The following CNTNAP3B variants were observed in gnomAD, a reference collection of about 807,000 sequenced individuals.
CNTNAP3B encodes the protein contactin-associated protein-like 3B.
A neutral mutation model predicts 108.9 loss-of-function variants in CNTNAP3B; 25 were observed. The observed-to-expected ratio is 0.23, with a 90% CI of 0.17 to 0.32. The LOEUF is 0.32. Ranked by LOEUF, CNTNAP3B falls within the 10% of genes least tolerant of loss-of-function variation. CNTNAP3B has a pLI of 1.00. For synonymous variants in CNTNAP3B, 103 were observed against 473.4 expected, an observed-to-expected ratio of 0.22 and a Z score of 10.16; for missense variants, 252 against 1,210.4, an observed-to-expected ratio of 0.21 and a Z score of 11.75.
chr9:41,951,756 C>T (rs1824691942), intron 13 of CNTNAP3B, among the ~76,000 whole-genome samples: 1 of 152,030 alleles, frequency 6.6e-6, no homozygotes, highest in African/African-American at 2.4e-5. Flanking sequence ...ATGCCGACTG[C>T]ACAGGTCTAG....
chr9:41,934,990 C>G (rs1378059320), intron 14 of CNTNAP3B, among the ~76,000 whole-genome samples: 3 of 152,300 alleles, frequency 2.0e-5, no homozygotes, highest in South Asian at 4.1e-4. Context: ...ATTATATTAG[C>G]AAAACAACTT....
In CNTNAP3B at chr9:42,126,850, A is replaced by G. The variant is rs1183918257; in HGVS notation, c.85+2160T>C. On this transcript the variant is annotated intron_variant, in intron 1 of 23. Coordinates refer to ENST00000377561, the MANE Select transcript of CNTNAP3B (RefSeq NM_001201380.3). ...CTCCCAAAGTGCTGGGATTACAGAC[A>G]CGAGCCACTGTGCCCGGCCTAGAGA... 7.9e-5 allele frequency among the ~76,000 whole-genome samples: 11 copies of G among 139,198 alleles called. 1 individual carries two copies. Among genetic ancestry groups the G allele is most frequent in the African/African-American group, 1.7e-4 (6 of 35,004 alleles). The allele number at this position is 139,198 out of a possible 152,430, so 91.3% of individuals were successfully genotyped here.
chr9:41,993,394 T>G (rs1825842233), intron 7 of CNTNAP3B: 1 of 119,256 alleles, frequency 8.4e-6, no homozygotes, highest in Non-Finnish European at 1.7e-5. Flanking sequence ...TTAATACACA[T>G]TCTAACTGTA....
intron 3 of CNTNAP3B, among the ~76,000 whole-genome samples, chr9:42,019,678 A>G (rs1826273557): frequency 6.7e-6 from 1 of 149,624 alleles, no homozygotes; most frequent in African/African-American, 2.5e-5. Flanking sequence ...GGAGAATCAC[A>G]TGAACCTGGG....
chr9:42,019,760 C>CAA lies in CNTNAP3B; in HGVS notation c.391-6237_391-6236dup, dbSNP rs71251465. ...TTGGTGACAGAGTGAGACTCTATCT[C>CAA]AAAAAAAAAAAAAAAAAAGTACTAT... On this transcript the variant is annotated intron_variant, in intron 3 of 23. Coordinates refer to ENST00000377561, the MANE Select transcript of CNTNAP3B (RefSeq NM_001201380.3). Among the ~76,000 whole-genome samples, 45 of 77,256 alleles carry CAA rather than the reference C, an allele frequency of 5.8e-4. 2 individuals carry two copies. The highest frequency in any genetic ancestry group is 1.9e-3 in the African/African-American group (35 of 18,086). The allele number at this position is 77,256 out of a possible 152,430, so 50.7% of individuals were successfully genotyped here. A position where few individuals can be genotyped will look rare whatever the true frequency, so the allele number is the denominator to read the frequency against.
intron 13 of CNTNAP3B, among the ~76,000 whole-genome samples, chr9:41,944,950 G>A (rs1385964931): frequency 1.3e-5 from 2 of 151,358 alleles, no homozygotes; most frequent in Admixed American, 6.6e-5. Flanking sequence ...CAAAAAGTGG[G>A]CGAAGTATAT....
chr9:42,110,467 A>G (rs1171622363), intron 1 of CNTNAP3B, among the ~76,000 whole-genome samples: 1 of 136,132 alleles, frequency 7.3e-6, no homozygotes, highest in South Asian at 2.4e-4. Context: ...CACAAAGCCT[A>G]TTATTAAAGA....
At chr9:42,002,690 T>G (rs1826024869) in intron 4 of CNTNAP3B, among the ~76,000 whole-genome samples, 1 of 113,978 alleles carries the variant, frequency 8.8e-6, no homozygotes, top group South Asian at 2.9e-4. Context: ...CATATAATCC[T>G]GAAATATGAT....
chr9:42,120,719 A>G (rs1828442938), intron 1 of CNTNAP3B, among the ~76,000 whole-genome samples: 1 of 133,192 alleles, frequency 7.5e-6, no homozygotes, highest in South Asian at 2.5e-4. Context: ...AACTATTGCA[A>G]GGACAAAAAA....
intron 11 of CNTNAP3B, among the ~76,000 whole-genome samples, chr9:41,961,306 T>A (rs1310142139): frequency 6.6e-6 from 1 of 152,306 alleles, no homozygotes; most frequent in East Asian, 1.9e-4. Flanking sequence ...ATAAATGTTT[T>A]CTTTTGCTTT....
At chr9:41,990,469 A>T (rs1330641815) in intron 8 of CNTNAP3B, among the ~76,000 whole-genome samples, 1 of 131,666 alleles carries the variant, frequency 7.6e-6, no homozygotes, top group Non-Finnish European at 1.6e-5. Context: ...ATTGTTCCAG[A>T]AGTACTGAGA....
Position 42,035,490 on chromosome 9 carries a change from G to C in CNTNAP3B, c.391-21965C>G, listed in dbSNP as rs1826605507. On this transcript the variant is annotated intron_variant, in intron 3 of 23. Coordinates refer to ENST00000377561, the MANE Select transcript of CNTNAP3B (RefSeq NM_001201380.3). ...CTTGGGGGTTAATAATAAAGACTCT[G>C]GAACCACTCACTAAAGGTGGGACTT... Among the ~76,000 whole-genome samples the C allele has an allele frequency of 1.4e-5, 2 of 146,032 alleles. 1 individual carries two copies. The highest frequency in any genetic ancestry group is 3.0e-5 in the Non-Finnish European group (2 of 66,532).
chr9:41,928,066 C>T lies in CNTNAP3B; in HGVS notation c.2365+1251G>A, dbSNP rs1402606771. 4.6e-5 allele frequency among the ~76,000 whole-genome samples: 7 copies of T among 152,146 alleles called. No individual in the cohort carries two copies. The South Asian group carries it at 6.2e-4, about 14-fold the overall frequency. ...TAGAAAAAAATAACAGAATAATTAA[C>T]GCTAAGGCATATTCTGGATAAGTTT... On this transcript the variant is annotated intron_variant, in intron 15 of 23. Transcript: ENST00000377561.
intron 3 of CNTNAP3B, among the ~76,000 whole-genome samples, chr9:42,026,548 C>T (rs529738942): frequency 0.072 from 6,600 of 91,298 alleles, 1,313 homozygotes; most frequent in Non-Finnish European, 0.1. Flanking sequence ...GATGGCTCCA[C>T]GGCACGGCAC....
In CNTNAP3B at chr9:41,983,362, T is replaced by C. The variant is rs1408071421; in HGVS notation, c.1477+2806A>G. On this transcript the variant is annotated intron_variant, in intron 9 of 23. Transcript: ENST00000377561. ...GCTAGCAATTCTGAAAACAAAGTAG[T>C]GTGGATCAAACTCTGTCATCTGTTT... The C allele has an allele frequency of 7.6e-5, 6 of 79,404 alleles. No individual in the cohort carries two copies. In the Admixed American group the frequency reaches 8.7e-4, roughly 11 times the overall value. 4.9% of individuals were successfully genotyped at this position (79,404 alleles called of 1,614,324 possible). A position where few individuals can be genotyped will look rare whatever the true frequency, so the allele number is the denominator to read the frequency against.
At chr9:41,976,811 C>G (rs1475344195) in intron 9 of CNTNAP3B, among the ~76,000 whole-genome samples, 1 of 114,616 alleles carries the variant, frequency 8.7e-6, no homozygotes, top group South Asian at 2.9e-4. Context: ...CCCAGCTACT[C>G]CAGAGGCTGA....
At chr9:41,933,433 T>C (rs1280131801) in intron 14 of CNTNAP3B, among the ~76,000 whole-genome samples, 52 of 151,360 alleles carry the variant, frequency 3.4e-4, no homozygotes, top group Middle Eastern at 3.4e-3. Context: ...AGTGAGTCAA[T>C]CCATTTATTT....
intron 3 of CNTNAP3B, among the ~76,000 whole-genome samples, chr9:42,018,052 AATAAT>A (rs1826244632): frequency 1.6e-5 from 2 of 127,670 alleles, no homozygotes; most frequent in African/African-American, 6.5e-5. Flanking sequence ...ATATAGCATT[AATAAT>A]ATAATTACCA....
intron 15 of CNTNAP3B, among the ~76,000 whole-genome samples, chr9:41,927,445 A>G (rs1823851606): frequency 1.3e-5 from 2 of 151,362 alleles, no homozygotes; most frequent in African/African-American, 2.4e-5. Flanking sequence ...AAGAGAGAGA[A>G]AGAAAGAAGA....
Sources: allele counts gnomAD v4.1 joint callset (sites outside exome capture counted in the v4.1 genomes callset), GRCh38; gene constraint gnomAD v4.1.1; transcripts MANE v1.5; gene names NCBI Gene and HGNC (gene_info 2026-07-23, HGNC 2026-07-21).